CAMK1D: variants seen among roughly 807,000 people sequenced by gnomAD.
CAMK1D encodes calcium/calmodulin dependent protein kinase ID.
In CAMK1D, 9 loss-of-function variants were observed where a neutral mutation model predicts 47.7. The ratio of observed to expected loss-of-function variants is 0.19; its 90% CI spans 0.11 to 0.33. The LOEUF (loss-of-function observed/expected upper bound fraction) is 0.33, where lower values mean the gene tolerates loss of function less well. CAMK1D is among the 10% of genes least tolerant of loss of function. The pLI, the probability that CAMK1D is intolerant of heterozygous loss-of-function variation, is 1.00. For missense variants in CAMK1D, 291 were observed against 488.7 expected, an observed-to-expected ratio of 0.60 and a Z score of 3.81; for synonymous variants, 184 against 184.9, an observed-to-expected ratio of 0.99 and a Z score of 0.04.
chr10:12,726,879 C>T (rs992138438), intron 3 of CAMK1D, among the ~76,000 whole-genome samples: 8 of 152,252 alleles, frequency 5.3e-5, no homozygotes, highest in Admixed American at 2.0e-4. Flanking sequence ...ATGCTTTGCA[C>T]GTGTTCGTGC....
At chr10:12,714,996 A>G (rs1004094622) in intron 3 of CAMK1D, among the ~76,000 whole-genome samples, 12 of 152,160 alleles carry the variant, frequency 7.9e-5, no homozygotes, top group African/African-American at 2.7e-4. Flanking sequence ...TGGAATATAC[A>G]GTGCAGTATT....
chr10:12,761,601 A>G (rs1482019779), intron 4 of CAMK1D, among the ~76,000 whole-genome samples: 1 of 152,136 alleles, frequency 6.6e-6, no homozygotes, highest in Non-Finnish European at 1.5e-5. Context: ...TAAAAGAGCT[A>G]TGACTGGCTG....
At chr10:12,561,672 G>C (rs1231249834) in intron 2 of CAMK1D, among the ~76,000 whole-genome samples, 1 of 152,188 alleles carries the variant, frequency 6.6e-6, no homozygotes, top group African/African-American at 2.4e-5. Context: ...GTCTGTAAGA[G>C]GAAATAGAAG....
chr10:12,633,941 G>A (rs142286622), intron 2 of CAMK1D, among the ~76,000 whole-genome samples: 2,094 of 152,282 alleles, frequency 0.014, 38 homozygotes, highest in African/African-American at 0.048. Flanking sequence ...CTTTGAGGCC[G>A]TGGTCCGTGG....
At chr10:12,565,687 T>C (rs1419958170) in intron 2 of CAMK1D, among the ~76,000 whole-genome samples, 1 of 152,236 alleles carries the variant, frequency 6.6e-6, no homozygotes, top group Non-Finnish European at 1.5e-5. Flanking sequence ...ATCGTCACCA[T>C]AAACCTGTAA....
intron 2 of CAMK1D, among the ~76,000 whole-genome samples, chr10:12,564,086 T>C (rs983807761): frequency 6.6e-6 from 1 of 152,076 alleles, no homozygotes; most frequent in African/African-American, 2.4e-5. Flanking sequence ...TATCTAGATA[T>C]CTATCTAGAT....
At chr10:12,655,148 G>A (rs1186469230) in intron 2 of CAMK1D, among the ~76,000 whole-genome samples, 1 of 152,164 alleles carries the variant, frequency 6.6e-6, no homozygotes, top group Non-Finnish European at 1.5e-5. Context: ...TGTACAGGAA[G>A]CATAGTGCTG....
intron 5 of CAMK1D, among the ~76,000 whole-genome samples, chr10:12,773,328 C>T (rs1282768392): frequency 2.0e-5 from 3 of 152,176 alleles, no homozygotes; most frequent in East Asian, 1.9e-4. Context: ...CAAGATACTT[C>T]ACCCTCTGCA....
chr10:12,747,512 A>G (rs1346938003), intron 3 of CAMK1D, among the ~76,000 whole-genome samples: 1 of 151,766 alleles, frequency 6.6e-6, no homozygotes, highest in Non-Finnish European at 1.5e-5. Flanking sequence ...GGAGGGGAGC[A>G]GGGGCTGGTC....
rs112408662 is a variant in CAMK1D at position 12,620,123 on chromosome 10, C to T, written c.225-46613C>T. 7.0e-4 allele frequency among the ~76,000 whole-genome samples: 91 copies of T among 130,536 alleles called. 1 individual carries two copies. The highest frequency in any genetic ancestry group is 2.3e-3 in the African/African-American group (75 of 32,574). The allele number at this position is 130,536 out of a possible 152,430, so 85.6% of individuals were successfully genotyped here. Reference sequence around the variant, plus strand: ...CACCTAGTTTGTGTCCAGTTTTTGACTATTAAAAAATAAAGCTCTGCAGTC... The same window carrying T: ...CACCTAGTTTGTGTCCAGTTTTTGATTATTAAAAAATAAAGCTCTGCAGTC... On this transcript the variant is annotated intron_variant, in intron 2 of 10. Coordinates refer to ENST00000619168, the MANE Select transcript of CAMK1D (RefSeq NM_153498.4).
At chr10:12,695,112 A>G (rs1588808424) in intron 3 of CAMK1D, among the ~76,000 whole-genome samples, 1 of 152,060 alleles carries the variant, frequency 6.6e-6, no homozygotes, top group East Asian at 1.9e-4. Context: ...GATTGATCCT[A>G]TTGGTTCTGT....
chr10:12,436,511 T>C (rs1311686428), intron 1 of CAMK1D, among the ~76,000 whole-genome samples: 2 of 152,234 alleles, frequency 1.3e-5, no homozygotes, highest in African/African-American at 4.8e-5. Context: ...GGACAACTTT[T>C]GACTTCTGTG....
intron 1 of CAMK1D, among the ~76,000 whole-genome samples, chr10:12,375,064 T>C (rs983385903): frequency 6.6e-6 from 1 of 152,034 alleles, no homozygotes; most frequent in African/African-American, 2.4e-5. Context: ...TCCAAAGTTC[T>C]GGGATTATAG....
chr10:12,490,758 T>A (rs1166838671), intron 1 of CAMK1D, among the ~76,000 whole-genome samples: 6 of 152,070 alleles, frequency 3.9e-5, no homozygotes, highest in Non-Finnish European at 2.9e-5. Context: ...GGCAGGAGAA[T>A]CGCTTGAACC....
rs933186919 is a variant in CAMK1D at position 12,828,887 on chromosome 10, A to T, written c.1158A>T (p.Ter386CysextTer85). 6.8e-6 allele frequency: 11 copies of T among 1,608,130 alleles called. No individual in the cohort carries two copies. The highest frequency in any genetic ancestry group is 9.3e-6 in the Non-Finnish European group (11 of 1,177,672). Reference sequence around the variant, plus strand: ...CGGCAGTGCACTCTGGAAGCAAGTGACTGGCCCTGGAGGTGGGGCCCGGGG... The same window carrying T: ...CGGCAGTGCACTCTGGAAGCAAGTGTCTGGCCCTGGAGGTGGGGCCCGGGG... ...TVTAVHSGSK[*>C] is the part of the protein sequence containing the mutation. Residue 386 changes from the stop codon to cysteine, a stop_lost, in exon 11 of 11, where the codon TGA (stop) becomes TGT (cysteine). Coordinates refer to ENST00000619168, the MANE Select transcript of CAMK1D (RefSeq NM_153498.4).
intron 1 of CAMK1D, among the ~76,000 whole-genome samples, chr10:12,390,444 A>G (rs1449908688): frequency 6.6e-6 from 1 of 152,172 alleles, no homozygotes; most frequent in Non-Finnish European, 1.5e-5. Context: ...GAGACATTGT[A>G]TCTCTAGCTC....
At chr10:12,573,019 G>C (rs1469172786) in intron 2 of CAMK1D, among the ~76,000 whole-genome samples, 1 of 152,242 alleles carries the variant, frequency 6.6e-6, no homozygotes, top group African/African-American at 2.4e-5. Context: ...GGAGGCGAGT[G>C]TTTAAAGTCT....
At chr10:12,415,160 G>A (rs972496005) in intron 1 of CAMK1D, among the ~76,000 whole-genome samples, 1 of 149,222 alleles carries the variant, frequency 6.7e-6, no homozygotes, top group African/African-American at 2.4e-5. Context: ...TTTTCCAAAG[G>A]GTTTCCAGTC....
At position 12,760,954 on chromosome 10, in the gene CAMK1D, C is replaced by T. The variant is rs768029786; in HGVS notation, c.306C>T (p.Ser102=). The T allele has an allele frequency of 1.3e-5, 21 of 1,612,900 alleles. No homozygotes were observed. In the East Asian group the frequency reaches 1.3e-4, roughly 10 times the overall value. The change falls in exon 4 of 11, where the codon TCC becomes TCT. Residue 102 remains serine, a synonymous_variant. Transcript: ENST00000619168. ...ATATGTTCTTTTTTGCCAGGGTGTC[C>T]GGTGGAGAGCTGTTTGACCGGATAG... is the stretch of plus-strand genomic sequence containing the variant. ...NHLYLVMQLV[S]GGELFDRIVE... is the part of the protein sequence containing the mutation.
Sources: gnomAD v4.1 joint callset for allele counts (sites outside exome capture counted in the v4.1 genomes callset) on GRCh38, gnomAD v4.1.1 for gene constraint, MANE v1.5 for transcripts, NCBI Gene and HGNC (gene_info 2026-07-23, HGNC 2026-07-21) for gene names.